MSL2: variants seen among roughly 807,000 people sequenced by gnomAD.
MSL2 encodes the protein MSL complex subunit 2, also known as E3 ubiquitin-protein ligase MSL2.
Under a neutral mutation model 35.8 loss-of-function variants are expected in MSL2, and 2 were observed. That is an observed-to-expected ratio of 0.06 (90% CI 0.02 to 0.18). The LOEUF (loss-of-function observed/expected upper bound fraction) is 0.18. MSL2 is among the 10% of genes least tolerant of loss of function. The pLI, the probability that MSL2 is intolerant of heterozygous loss-of-function variation, is 1.00. For synonymous variants in MSL2, 296 were observed against 255.7 expected, an observed-to-expected ratio of 1.16 and a Z score of -1.50; for missense variants, 523 against 706.7, an observed-to-expected ratio of 0.74 and a Z score of 2.95.
At chr3:136,174,790 G>A (rs554867266) in intron 1 of MSL2, among the ~76,000 whole-genome samples, 47 of 152,104 alleles carry the variant, frequency 3.1e-4, no homozygotes, top group African/African-American at 9.9e-4. Context: ...AACAAAGATC[G>A]GCCTATATAC....
intron 1 of MSL2, 77 bp from the exon 2 acceptor site, chr3:136,152,815 T>A (rs959994890): frequency 1.3e-6 from 2 of 1,523,216 alleles, no homozygotes; most frequent in East Asian, 4.6e-5. Flanking sequence ...TTAGATGACA[T>A]AAGTAGTCTA....
At chr3:136,180,309 G>A (rs997295911) in intron 1 of MSL2, among the ~76,000 whole-genome samples, 2 of 152,084 alleles carry the variant, frequency 1.3e-5, no homozygotes, top group African/African-American at 4.8e-5. Context: ...CACATTCCAA[G>A]TATGAACAGT....
chr3:136,167,814 A>G (rs1271119591), intron 1 of MSL2, among the ~76,000 whole-genome samples: 1 of 152,218 alleles, frequency 6.6e-6, no homozygotes. Flanking sequence ...GGAATGGAAA[A>G]AAATCAGTTT....
At chr3:136,180,636 G>A (rs1403096568) in intron 1 of MSL2, among the ~76,000 whole-genome samples, 1 of 150,926 alleles carries the variant, frequency 6.6e-6, no homozygotes. Flanking sequence ...GGAGGCGGAG[G>A]TTGTAGTGAG....
intron 1 of MSL2, among the ~76,000 whole-genome samples, chr3:136,164,772 T>C (rs778311812): frequency 1.2e-4 from 19 of 152,176 alleles, no homozygotes; most frequent in Non-Finnish European, 2.8e-4. Context: ...GATTCTCCTA[T>C]AAAAACTGTG....
At chr3:136,174,052 C>T (rs1219504257) in intron 1 of MSL2, among the ~76,000 whole-genome samples, 1 of 152,182 alleles carries the variant, frequency 6.6e-6, no homozygotes, top group Non-Finnish European at 1.5e-5. Flanking sequence ...CTCCCTCAAT[C>T]TGTTGAAAAA....
At chr3:136,180,694 C>A (rs1361791262) in intron 1 of MSL2, among the ~76,000 whole-genome samples, 1 of 144,278 alleles carries the variant, frequency 6.9e-6, no homozygotes, top group East Asian at 2.1e-4. Flanking sequence ...AGCAAGACTC[C>A]GTCTCAGAAA....
chr3:136,195,481 G>C lies in MSL2; in HGVS notation c.-368C>G. Reference sequence around the variant, plus strand: ...GGCCTGCACTCGAGCTCCATCTCCGGACACGGAGGCGCCTCCTCAAGTCGA... The same window carrying C: ...GGCCTGCACTCGAGCTCCATCTCCGCACACGGAGGCGCCTCCTCAAGTCGA... On this transcript the variant is annotated 5_prime_UTR_variant, in exon 1 of 2. Transcript: ENST00000309993. 2.0e-6 allele frequency: 2 copies of C among 1,019,418 alleles called. No homozygotes were observed. The highest frequency in any genetic ancestry group is 2.3e-6 in the Non-Finnish European group (2 of 851,772). 63.1% of individuals were successfully genotyped at this position (1,019,418 alleles called of 1,614,324 possible). A position where few individuals can be genotyped will look rare whatever the true frequency, so the allele number is the denominator to read the frequency against.
chr3:136,169,009 C>T (rs538182506), intron 1 of MSL2, among the ~76,000 whole-genome samples: 2 of 152,108 alleles, frequency 1.3e-5, no homozygotes, highest in African/African-American at 4.8e-5. Context: ...CCATATCACA[C>T]GGCTGTGAGG....
At chr3:136,189,018 T>G (rs1226709455) in intron 1 of MSL2, among the ~76,000 whole-genome samples, 1 of 148,840 alleles carries the variant, frequency 6.7e-6, no homozygotes, top group Non-Finnish European at 1.5e-5. Flanking sequence ...GAAGCAAATA[T>G]TTTAGAACTT....
chr3:136,174,704 C>A (rs1282303022), intron 1 of MSL2, among the ~76,000 whole-genome samples: 4 of 152,118 alleles, frequency 2.6e-5, no homozygotes, highest in Admixed American at 6.6e-5. Flanking sequence ...TTAAAGTTAG[C>A]CTTAAATGCT....
At chr3:136,158,204 C>G (rs1484572492) in intron 1 of MSL2, among the ~76,000 whole-genome samples, 1 of 151,910 alleles carries the variant, frequency 6.6e-6, no homozygotes, top group Non-Finnish European at 1.5e-5. Flanking sequence ...CCCAGCTACT[C>G]AGGAGGCTGA....
In MSL2 at chr3:136,157,774, C is replaced by T. The variant is rs1253696621; in HGVS notation, c.143-5036G>A. 2.0e-5 allele frequency among the ~76,000 whole-genome samples: 3 copies of T among 152,132 alleles called. No homozygotes were observed. In the East Asian group the frequency reaches 5.8e-4, roughly 29 times the overall value. ...TGAAATGGATACATTTCTCTAAAGACACAAATGACCAAAATTCACTGGAGA... is the reference window on the plus strand; with the variant it reads ...TGAAATGGATACATTTCTCTAAAGATACAAATGACCAAAATTCACTGGAGA... On this transcript the variant is annotated intron_variant, in intron 1 of 1. Transcript: ENST00000309993.
At chr3:136,190,650 A>C (rs1361535531) in intron 1 of MSL2, among the ~76,000 whole-genome samples, 2 of 152,186 alleles carry the variant, frequency 1.3e-5, no homozygotes, top group African/African-American at 4.8e-5. Flanking sequence ...CTCCAATCCT[A>C]ACAGGATTTT....
intron 1 of MSL2, chr3:136,194,580 G>T: frequency 2.8e-6 from 1 of 354,596 alleles, no homozygotes; most frequent in Non-Finnish European, 4.1e-6. Flanking sequence ...CGCCACATGT[G>T]CCCACATGTG....
chr3:136,195,974 CATT>C lies in MSL2; in HGVS notation c.-864_-862del. 3.6e-6 allele frequency: 1 copy of C among 281,384 alleles called. No homozygotes were observed. The highest frequency in any genetic ancestry group is 5.3e-6 in the Non-Finnish European group (1 of 187,096). 17.4% of individuals were successfully genotyped at this position (281,384 alleles called of 1,614,324 possible). A position where few individuals can be genotyped will look rare whatever the true frequency, so the allele number is the denominator to read the frequency against. On this transcript the variant is annotated 5_prime_UTR_variant, in exon 1 of 2. It removes an upstream start codon present in the reference 5' UTR. Transcript: ENST00000309993. ...AAGCGCCGCCCCCTCACTGCCCGGC[CATT>C]TTTTCGGCGCCACACACACAGACGA...
Position 136,152,088 on chromosome 3 carries a change from A to G in MSL2, c.793T>C (p.Ser265Pro), listed in dbSNP as rs764343228. Residue 265 changes from serine to proline, a missense_variant, in exon 2 of 2, where the codon TCT (serine) becomes CCT (proline). Transcript: ENST00000309993. ...SFSEDIKPGDSLLLSVEEVLR... is the reference protein window; with the variant it reads ...SFSEDIKPGDPLLLSVEEVLR... ...ACTTCCTCAACACTCAGTAACAGAG[A>G]GTCTCCAGGTTTTATATCTTCACTG... The G allele has an allele frequency of 6.2e-7, 1 of 1,614,052 alleles. No homozygotes were observed. The highest frequency in any genetic ancestry group is 1.3e-5 in the African/African-American group (1 of 74,936).
chr3:136,195,303 G>C lies in MSL2; in HGVS notation c.-190C>G, dbSNP rs1940804249. ...ACAATCCTCCCACACATGGGGCCTT[G>C]GCGCCCCTCCGTCCCTGAGACTTCC... On this transcript the variant is annotated 5_prime_UTR_variant, in exon 1 of 2. Coordinates refer to ENST00000309993, the MANE Select transcript of MSL2 (RefSeq NM_018133.4). The C allele has an allele frequency of 1.4e-6, 2 of 1,396,960 alleles. No individual in the cohort carries two copies. Among genetic ancestry groups the C allele is most frequent in the Non-Finnish European group, 1.8e-6 (2 of 1,081,260 alleles). 86.5% of individuals were successfully genotyped at this position (1,396,960 alleles called of 1,614,324 possible).
At chr3:136,153,211 G>T (rs1939422727) in intron 1 of MSL2, 1 of 276,952 alleles carries the variant, frequency 3.6e-6, no homozygotes, top group Non-Finnish European at 5.5e-6. Flanking sequence ...TCCCGCCTGG[G>T]TGACAAAGCG....
Sources: allele counts gnomAD v4.1 joint callset (sites outside exome capture counted in the v4.1 genomes callset), GRCh38; gene constraint gnomAD v4.1.1; transcripts MANE v1.5; gene names NCBI Gene and HGNC (gene_info 2026-07-23, HGNC 2026-07-21).